Variants in ENTREP2 observed in about 807,000 individuals in gnomAD.
ENTREP2 encodes protein ENTREP2.
the ENTREP2 span, among the ~76,000 whole-genome samples, chr15:29,277,485 A>G: frequency 6.6e-6 from 1 of 152,150 alleles, no homozygotes; most frequent in African/African-American, 2.4e-5. Flanking sequence ...GGGGAAGACA[A>G]TGTTTCTATG....
the ENTREP2 span, among the ~76,000 whole-genome samples, chr15:29,469,531 T>C: frequency 1.3e-5 from 2 of 151,748 alleles, no homozygotes; most frequent in African/African-American, 4.8e-5. Context: ...GTACCTGGAG[T>C]AGTCAGATTC....
chr15:29,568,322 G>A, the ENTREP2 span, among the ~76,000 whole-genome samples: 3 of 152,160 alleles, frequency 2.0e-5, no homozygotes, highest in Non-Finnish European at 4.4e-5. Context: ...GTTCATTGTT[G>A]ATCCCCAGAC....
At chr15:29,660,828 G>A in the ENTREP2 span, among the ~76,000 whole-genome samples, 9 of 152,120 alleles carry the variant, frequency 5.9e-5, no homozygotes, top group African/African-American at 2.2e-4. Flanking sequence ...TCAACCCAAC[G>A]AGGATTGAAA....
chr15:29,199,583 C>T, the ENTREP2 span, among the ~76,000 whole-genome samples: 48 of 152,222 alleles, frequency 3.2e-4, no homozygotes, highest in Middle Eastern at 3.4e-3. Context: ...AACAGAGACA[C>T]TAAACAAATA....
chr15:29,178,310 A>C, the ENTREP2 span, among the ~76,000 whole-genome samples: 10 of 149,424 alleles, frequency 6.7e-5, no homozygotes, highest in South Asian at 1.7e-3. Flanking sequence ...AAAAAAAAAA[A>C]GAAAGAAAGA....
chr15:29,327,760 T>C, the ENTREP2 span, among the ~76,000 whole-genome samples: 1 of 152,156 alleles, frequency 6.6e-6, no homozygotes, highest in Non-Finnish European at 1.5e-5. Flanking sequence ...ATGGCTAAAA[T>C]CCAAAAATGG....
the ENTREP2 span, among the ~76,000 whole-genome samples, chr15:29,241,208 A>C: frequency 1.3e-5 from 2 of 152,236 alleles, no homozygotes; most frequent in Non-Finnish European, 2.9e-5. Flanking sequence ...GCGATAGCAA[A>C]ACAGAGGGGA....
At chr15:29,137,087 A>AG in the ENTREP2 span, 1 of 1,462,150 alleles carries the variant, frequency 6.8e-7, no homozygotes, top group Non-Finnish European at 9.0e-7. Context: ...AATAGGGTGG[A>AG]GGCGGGAGTG....
At chr15:29,479,984 A>T in the ENTREP2 span, among the ~76,000 whole-genome samples, 1 of 152,156 alleles carries the variant, frequency 6.6e-6, no homozygotes, top group Admixed American at 6.6e-5. Flanking sequence ...ATCAACAGAT[A>T]TATCCCCTAC....
At chr15:29,505,674 C>T in the ENTREP2 span, among the ~76,000 whole-genome samples, 1 of 152,194 alleles carries the variant, frequency 6.6e-6, no homozygotes, top group East Asian at 1.9e-4. This position sits in a 1 kb window ranked among gnomAD's most constrained non-coding sequence, Gnocchi z 4.3. Flanking sequence ...GCCTGATGAC[C>T]GTTAGAAGGA....
chr15:29,201,614 G>A, the ENTREP2 span, among the ~76,000 whole-genome samples: 2 of 152,038 alleles, frequency 1.3e-5, no homozygotes, highest in African/African-American at 4.8e-5. Flanking sequence ...TGAATCCCTG[G>A]AATAATCCCT....
chr15:29,538,795 C>T, the ENTREP2 span, among the ~76,000 whole-genome samples: 16 of 148,516 alleles, frequency 1.1e-4, no homozygotes, highest in Non-Finnish European at 1.6e-4. Context: ...GGTGACAAAG[C>T]GAGACTCTAT....
At chr15:29,576,857 G>C in the ENTREP2 span, among the ~76,000 whole-genome samples, 1 of 152,162 alleles carries the variant, frequency 6.6e-6, no homozygotes, top group African/African-American at 2.4e-5. Flanking sequence ...ACCCAGGCTG[G>C]AGTGCAGTGG....
the ENTREP2 span, among the ~76,000 whole-genome samples, chr15:29,596,657 C>T: frequency 2.0e-5 from 3 of 151,880 alleles, no homozygotes; most frequent in African/African-American, 7.3e-5. Context: ...CCCCAACATC[C>T]TAATTATTTT....
chr15:29,570,046 A>AC, the ENTREP2 span: 2 of 62,796 alleles, frequency 3.2e-5, no homozygotes, highest in African/African-American at 1.3e-4. Flanking sequence ...CCGCCCCCCC[A>AC]CCCCACCCCC....
the ENTREP2 span, among the ~76,000 whole-genome samples, chr15:29,549,984 A>G: frequency 6.6e-6 from 1 of 152,158 alleles, no homozygotes; most frequent in African/African-American, 2.4e-5. Context: ...GGAGAAATGG[A>G]TTCTGTGAGG....
the ENTREP2 span, chr15:29,123,341 A>G: frequency 6.6e-7 from 1 of 1,525,478 alleles, no homozygotes; most frequent in Non-Finnish European, 8.8e-7. Flanking sequence ...TGGCTCCTTC[A>G]TACCTGGTCC....
chr15:29,611,926 C>T, the ENTREP2 span, among the ~76,000 whole-genome samples: 2 of 152,210 alleles, frequency 1.3e-5, no homozygotes, highest in African/African-American at 4.8e-5. Context: ...TTCGCTGCAC[C>T]TCCACTCCTT....
At chr15:29,376,380 A>G in the ENTREP2 span, 1 of 152,200 alleles carries the variant, frequency 6.6e-6, no homozygotes, top group Non-Finnish European at 1.5e-5. Flanking sequence ...GGCATCCAGC[A>G]TAATATAGAA....
Sources: allele counts gnomAD v4.1 joint callset (sites outside exome capture counted in the v4.1 genomes callset), GRCh38; gene constraint gnomAD v4.1.1; non-coding constraint Gnocchi (gnomAD v3.1); transcripts MANE v1.5; gene names NCBI Gene and HGNC (gene_info 2026-07-23, HGNC 2026-07-21).